LGSN: variants seen among roughly 807,000 people sequenced by gnomAD.
LGSN encodes the protein lengsin.
LGSN carries 21 observed loss-of-function variants against 19.5 expected under a neutral mutation model. That is an observed-to-expected ratio of 1.07 (90% confidence interval 0.76 to 1.55). The LOEUF (loss-of-function observed/expected upper bound fraction) is 1.55, where lower values mean the gene tolerates loss of function less well. Ranked by LOEUF, LGSN falls within the 40% of genes most tolerant of loss-of-function variation. The probability of loss-of-function intolerance (pLI) is 0.00; values close to 1 mark genes in which losing one functional copy is unlikely to be tolerated. For missense variants in LGSN, 673 were observed against 608.5 expected (o/e 1.11, Z -1.12); for synonymous variants, 257 against 215.6 (o/e 1.19, Z -1.68).
the LGSN span, among the ~76,000 whole-genome samples, chr6:63,341,086 T>G: frequency 2.6e-5 from 4 of 152,228 alleles, no homozygotes; most frequent in African/African-American, 9.7e-5. Flanking sequence ...CTCAGTGGCT[T>G]AGGCTACACT....
At chr6:63,294,774 A>G in intron 2 of LGSN, 139 bp downstream of exon 2, 1 of 779,392 alleles carries the variant, frequency 1.3e-6, no homozygotes, top group Non-Finnish European at 2.1e-6. Flanking sequence ...GCCATCTTTT[A>G]TGACACTTAT....
At chr6:63,327,917 C>A in the LGSN span, among the ~76,000 whole-genome samples, 8 of 152,194 alleles carry the variant, frequency 5.3e-5, no homozygotes, top group African/African-American at 1.9e-4. Flanking sequence ...ACTCCCACCT[C>A]TTTGTGTTCC....
chr6:63,398,623 G>A, the LGSN span, among the ~76,000 whole-genome samples: 1 of 151,978 alleles, frequency 6.6e-6, no homozygotes, highest in Non-Finnish European at 1.5e-5. Context: ...ATTATAGTAA[G>A]CTAAGGTTAA....
intron 2 of LGSN, among the ~76,000 whole-genome samples, chr6:63,290,857 C>T (rs1205828405): frequency 6.6e-6 from 1 of 152,186 alleles, no homozygotes; most frequent in East Asian, 1.9e-4. Context: ...GCTCTCTGCT[C>T]CAGTTTTCTC....
chr6:63,280,266 C>T lies in LGSN; in HGVS notation c.1285G>A (p.Asp429Asn), dbSNP rs977253727. ...ACCTCATTACTGCTATGAAGTCCAT[C>T]TAAGCCGGCAGCAACAGTTGCAGCC... ...VLAATVAAGL[D>N]GLHSSNEVLA... Residue 429 changes from aspartate (D) to asparagine (N), a missense_variant, in exon 4 of 4, where the codon GAT (aspartate) becomes AAT (asparagine). Transcript: ENST00000370657. The T allele has an allele frequency of 6.2e-7, 1 of 1,614,122 alleles. No individual in the cohort carries two copies. The highest frequency in any genetic ancestry group is 8.5e-7 in the Non-Finnish European group (1 of 1,180,050).
the LGSN span, among the ~76,000 whole-genome samples, chr6:63,495,358 GAGATC>G: frequency 6.6e-6 from 1 of 151,746 alleles, no homozygotes; most frequent in Admixed American, 6.6e-5. Flanking sequence ...TAGCAGAGAA[GAGATC>G]CTTCTGCCCC....
chr6:63,529,137 G>GTATATATATATGTATATATATGTGTGTA, the LGSN span, among the ~76,000 whole-genome samples: 78 of 136,792 alleles, frequency 5.7e-4, no homozygotes, highest in Admixed American at 1.3e-3. Context: ...ATATGTGTGT[G>GTATATATATATGTATATATATGTGTGTA]TATATATATA....
chr6:63,281,028 C>T lies in LGSN; in HGVS notation c.523G>A (p.Val175Met), dbSNP rs753482881. 4 of 1,613,914 alleles carry T rather than the reference C, an allele frequency of 2.5e-6. No individual in the cohort carries two copies. The South Asian group carries it at 3.3e-5, about 13-fold the overall frequency. Residue 175 changes from valine (V) to methionine (M), a missense_variant, in exon 4 of 4, where the codon GTG becomes ATG. By Grantham distance (21) the Val-to-Met change is conservative (BLOSUM62 1). Coordinates refer to ENST00000370657, the MANE Select transcript of LGSN (RefSeq NM_016571.3). ...GAAGTCAAAAGAGGCTCACCAGTCA[C>T]AGTGAAGGTATCACATATCACTCTT... ...TARVICDTFT[V>M]TGEPLLTSPR...
chr6:63,377,272 G>C, the LGSN span, among the ~76,000 whole-genome samples: 1 of 152,208 alleles, frequency 6.6e-6, no homozygotes, highest in East Asian at 1.9e-4. Flanking sequence ...CCAATAGGCA[G>C]AGAGCAACCC....
chr6:63,392,948 G>C, the LGSN span, among the ~76,000 whole-genome samples: 2 of 125,888 alleles, frequency 1.6e-5, no homozygotes, highest in Admixed American at 8.4e-5. Context: ...GTGCAGTGGC[G>C]CAATCTCTGC....
chr6:63,372,261 C>T, the LGSN span, among the ~76,000 whole-genome samples: 1 of 152,118 alleles, frequency 6.6e-6, no homozygotes, highest in South Asian at 2.1e-4. Flanking sequence ...AAAAATCTTC[C>T]CAGCTCTCTA....
chr6:63,560,010 C>T, the LGSN span, among the ~76,000 whole-genome samples: 2 of 152,130 alleles, frequency 1.3e-5, no homozygotes, highest in Non-Finnish European at 2.9e-5. Flanking sequence ...GGAATGGCCT[C>T]ATTCATGAAA....
At chr6:63,544,546 T>C in the LGSN span, among the ~76,000 whole-genome samples, 2 of 152,192 alleles carry the variant, frequency 1.3e-5, no homozygotes, top group Non-Finnish European at 2.9e-5. Context: ...AGTAACATCC[T>C]TTATAGTAAA....
chr6:63,336,561 G>GTGTATATATA, the LGSN span, among the ~76,000 whole-genome samples: 8 of 127,576 alleles, frequency 6.3e-5, no homozygotes, highest in South Asian at 2.8e-4. Flanking sequence ...GTGTGTGTGT[G>GTGTATATATA]TATATATATA....
At chr6:63,572,274 C>A in the LGSN span, 1 of 187,046 alleles carries the variant, frequency 5.3e-6, no homozygotes, top group Non-Finnish European at 1.1e-5. Flanking sequence ...CCCCTTCCCT[C>A]CCCCGCCCCG....
the LGSN span, among the ~76,000 whole-genome samples, chr6:63,508,537 C>T: frequency 6.6e-6 from 1 of 152,224 alleles, no homozygotes; most frequent in Non-Finnish European, 1.5e-5. Flanking sequence ...GGGATGCACA[C>T]ACCATAGCAA....
the LGSN span, among the ~76,000 whole-genome samples, chr6:63,447,993 C>T: frequency 1.3e-5 from 2 of 152,168 alleles, no homozygotes; most frequent in Non-Finnish European, 2.9e-5. Context: ...CAGCAATACT[C>T]ATCTGATTCT....
At chr6:63,452,111 T>C in the LGSN span, among the ~76,000 whole-genome samples, 2 of 151,654 alleles carry the variant, frequency 1.3e-5, no homozygotes, top group African/African-American at 4.8e-5. Context: ...TAAAGTGAGT[T>C]GGGACATGAT....
At chr6:63,538,236 T>C in the LGSN span, among the ~76,000 whole-genome samples, 1 of 152,208 alleles carries the variant, frequency 6.6e-6, no homozygotes, top group Non-Finnish European at 1.5e-5. Context: ...CAAGTTCTGG[T>C]TGGAAGCTGG....
Sources: allele counts gnomAD v4.1 joint callset (sites outside exome capture counted in the v4.1 genomes callset), GRCh38; gene constraint gnomAD v4.1.1; transcripts MANE v1.5; gene names NCBI Gene and HGNC (gene_info 2026-07-23, HGNC 2026-07-21).